DDAH1: variants seen among roughly 807,000 people sequenced by gnomAD.
DDAH1 encodes dimethylarginine dimethylaminohydrolase 1, also known as N(G),N(G)-dimethylarginine dimethylaminohydrolase 1.
DDAH1 carries 19 observed loss-of-function variants against 28.8 expected under a neutral mutation model. That is an observed-to-expected ratio of 0.66 (90% confidence interval 0.46 to 0.97). The LOEUF (loss-of-function observed/expected upper bound fraction) is 0.97, where lower values mean the gene tolerates loss of function less well. DDAH1 is among the 50% of genes least tolerant of loss of function. The probability of loss-of-function intolerance (pLI) is 0.00; values close to 1 mark genes in which losing one functional copy is unlikely to be tolerated. For missense variants in DDAH1, 326 were observed against 375.9 expected (o/e 0.87, Z 1.10); for synonymous variants, 153 against 154.4 (o/e 0.99, Z 0.07).
chr1:85,542,913 G>C (rs1338438285), intron 1 of DDAH1, among the ~76,000 whole-genome samples: 1 of 152,094 alleles, frequency 6.6e-6, no homozygotes, highest in African/African-American at 2.4e-5. Context: ...TTATAATGAC[G>C]TGCAGAGATG....
Position 85,538,904 on chromosome 1 carries a change from C to T in DDAH1, c.-123+39080G>A, listed in dbSNP as rs561341935. On this transcript the variant is annotated intron_variant, in intron 1 of 6. Coordinates refer to the DDAH1 transcript ENST00000426972. ...TTTCTCTTTGGAGAAACGTTCCAAA[C>T]GTTCAAATCCTTCTTTTTCTGGTCC... 3.3e-5 allele frequency among the ~76,000 whole-genome samples: 5 copies of T among 152,066 alleles called. No homozygotes were observed. In the South Asian group the frequency reaches 8.3e-4, roughly 25 times the overall value.
chr1:85,520,510 A>G (rs1432735494), intron 1 of DDAH1, among the ~76,000 whole-genome samples: 1 of 152,248 alleles, frequency 6.6e-6, no homozygotes, highest in African/African-American at 2.4e-5. Context: ...AAATATGTAC[A>G]TGAAATGTTT....
At chr1:85,395,246 G>GAGAAT (rs1318587482) in intron 1 of DDAH1, among the ~76,000 whole-genome samples, 3 of 151,858 alleles carry the variant, frequency 2.0e-5, no homozygotes, top group Non-Finnish European at 4.4e-5. Context: ...TTGTAAGTCT[G>GAGAAT]AGAATATATT....
At chr1:85,542,041 C>A (rs1658485525) in intron 1 of DDAH1, among the ~76,000 whole-genome samples, 1 of 152,152 alleles carries the variant, frequency 6.6e-6, no homozygotes, top group South Asian at 2.1e-4. Flanking sequence ...AAAACAACTT[C>A]TTGATGTGGA....
At chr1:85,562,915 C>T (rs910392773) in intron 1 of DDAH1, among the ~76,000 whole-genome samples, 1 of 152,086 alleles carries the variant, frequency 6.6e-6, no homozygotes, top group Non-Finnish European at 1.5e-5. Flanking sequence ...ACTTTCAAGC[C>T]AAAATGGAGG....
chr1:85,531,521 T>C (rs1440073141), intron 1 of DDAH1, among the ~76,000 whole-genome samples: 1 of 152,186 alleles, frequency 6.6e-6, no homozygotes, highest in African/African-American at 2.4e-5. Flanking sequence ...ACATTTACCA[T>C]GTGCTTTTCA....
chr1:85,436,248 CTTTAT>C (rs1417532626), intron 1 of DDAH1, among the ~76,000 whole-genome samples: 21 of 151,362 alleles, frequency 1.4e-4, no homozygotes, highest in African/African-American at 4.6e-4. Context: ...TTTTTTTTCC[CTTTAT>C]TTTAACTTTA....
At chr1:85,529,227 C>A (rs1344476431) in intron 1 of DDAH1, among the ~76,000 whole-genome samples, 2 of 152,288 alleles carry the variant, frequency 1.3e-5, no homozygotes, top group South Asian at 2.1e-4. Flanking sequence ...AGGTCCTTCA[C>A]TCACTAATTA....
At chr1:85,530,622 T>G (rs1205511888) in intron 1 of DDAH1, among the ~76,000 whole-genome samples, 2 of 151,612 alleles carry the variant, frequency 1.3e-5, no homozygotes, top group Non-Finnish European at 2.9e-5. Flanking sequence ...CTAAGCCATT[T>G]TATGAGGAAA....
At chr1:85,567,284 A>G (rs1349876390) in intron 1 of DDAH1, among the ~76,000 whole-genome samples, 1 of 152,178 alleles carries the variant, frequency 6.6e-6, no homozygotes, top group Non-Finnish European at 1.5e-5. Context: ...CTGTGTCCCC[A>G]CCCAAATCTC....
chr1:85,511,085 A>T (rs1222704882), intron 1 of DDAH1, among the ~76,000 whole-genome samples: 1 of 152,260 alleles, frequency 6.6e-6, no homozygotes, highest in Non-Finnish European at 1.5e-5. Context: ...TCCAAAATTG[A>T]GCACATAGTT....
chr1:85,390,701 A>C (rs1651504242), intron 1 of DDAH1, among the ~76,000 whole-genome samples: 1 of 152,124 alleles, frequency 6.6e-6, no homozygotes, highest in Non-Finnish European at 1.5e-5. Flanking sequence ...CTTCTTGAGC[A>C]CTGAGATCTT....
intron 1 of DDAH1, among the ~76,000 whole-genome samples, chr1:85,537,069 A>T (rs1658313017): frequency 6.6e-6 from 1 of 150,908 alleles, no homozygotes; most frequent in Non-Finnish European, 1.5e-5. Flanking sequence ...AGCCGAGTGC[A>T]GTGGCTCATG....
At chr1:85,542,124 A>G (rs1185606911) in intron 1 of DDAH1, among the ~76,000 whole-genome samples, 1 of 152,224 alleles carries the variant, frequency 6.6e-6, no homozygotes, top group African/African-American at 2.4e-5. Flanking sequence ...ACCTAAGGTC[A>G]TATAGCTAAT....
chr1:85,372,930 T>C (rs567477095), intron 1 of DDAH1, among the ~76,000 whole-genome samples: 1 of 152,046 alleles, frequency 6.6e-6, no homozygotes, highest in African/African-American at 2.4e-5. Context: ...TGTTATGAAA[T>C]GTACAAAGCC....
At chr1:85,484,787 C>A (rs1466408997) in intron 2 of DDAH1, among the ~76,000 whole-genome samples, 1 of 152,136 alleles carries the variant, frequency 6.6e-6, no homozygotes, top group South Asian at 2.1e-4. Context: ...TCACCAGAAC[C>A]ACCAAAATGT....
At chr1:85,325,355 G>GCA (rs1647307976) in intron 4 of DDAH1, among the ~76,000 whole-genome samples, 1 of 64,608 alleles carries the variant, frequency 1.5e-5, no homozygotes, top group Non-Finnish European at 3.4e-5. Flanking sequence ...GCACGTGCGT[G>GCA]CGCGCGCGCG....
chr1:85,536,131 G>T (rs1162217085), intron 1 of DDAH1, among the ~76,000 whole-genome samples: 87 of 152,012 alleles, frequency 5.7e-4, no homozygotes, highest in Middle Eastern at 3.4e-3. Context: ...CAGCTACTTG[G>T]AAGGCTGAGG....
At chr1:85,504,415 G>A (rs1656933303) in intron 1 of DDAH1, among the ~76,000 whole-genome samples, 1 of 152,126 alleles carries the variant, frequency 6.6e-6, no homozygotes, top group Non-Finnish European at 1.5e-5. Context: ...AATAGTCTTT[G>A]GCTGTGATAA....
Sources: allele counts gnomAD v4.1 joint callset (sites outside exome capture counted in the v4.1 genomes callset), GRCh38; gene constraint gnomAD v4.1.1; transcripts MANE v1.5; gene names NCBI Gene and HGNC (gene_info 2026-07-23, HGNC 2026-07-21).